The following CNTN2 variants were observed in gnomAD, a reference collection of about 807,000 sequenced individuals.
The protein encoded by CNTN2 is contactin-2.
Under a neutral mutation model 117.5 loss-of-function variants are expected in CNTN2, and 53 were observed. The ratio of observed to expected loss-of-function variants is 0.45; its 90% CI spans 0.36 to 0.57. CNTN2 has a LOEUF of 0.57. Ranked by LOEUF, CNTN2 falls within the 20% of genes least tolerant of loss-of-function variation. CNTN2 has a pLI of 0.00. For missense variants in CNTN2, 1,106 were observed against 1,404.3 expected (o/e 0.79, Z 3.39); for synonymous variants, 530 against 561.7 (o/e 0.94, Z 0.80).
Position 205,061,571 on chromosome 1 carries a change from C to G in CNTN2, c.973+151C>G. On this transcript the variant is annotated intron_variant, in intron 8 of 22. Transcript: ENST00000331830. The surrounding 1 kb of genome is among the most constrained non-coding windows in gnomAD (Gnocchi z 4.8). Reference sequence around the variant, plus strand: ...CCCTAGGACTGCACTGAGTCTGGGACCAGAGGAGGCTAGTGCTGTGGTCAC... The same window carrying G: ...CCCTAGGACTGCACTGAGTCTGGGAGCAGAGGAGGCTAGTGCTGTGGTCAC... 1 of 954,128 alleles carries G rather than the reference C, an allele frequency of 1.0e-6. No individual in the cohort carries two copies. 59.1% of individuals were successfully genotyped at this position (954,128 alleles called of 1,614,324 possible).
chr1:205,058,539 G>C lies in CNTN2; in HGVS notation c.392-29G>C. 6.2e-7 allele frequency: 1 copy of C among 1,608,286 alleles called. No individual in the cohort carries two copies. The highest frequency in any genetic ancestry group is 2.2e-5 in the East Asian group (1 of 44,812). On this transcript the variant is annotated intron_variant, in intron 4 of 22. Coordinates refer to ENST00000331830, the MANE Select transcript of CNTN2 (RefSeq NM_005076.5). This position sits in a 1 kb window ranked among gnomAD's most constrained non-coding sequence, Gnocchi z 4.3. ...GAGGGGCTCGCAGGCCAGGAGGACA[G>C]TGCCTGAGCCCCTGGTCTCTGCCTC...
At position 205,053,267 on chromosome 1, in the gene CNTN2, C is replaced by G; in HGVS notation, c.70+12C>G. Reference sequence around the variant, plus strand: ...TGTCTCCTCTTCAGGTAAGAGGGCTCATCTGGGCTTTGAAGCCTAGCAGGC... The same window carrying G: ...TGTCTCCTCTTCAGGTAAGAGGGCTGATCTGGGCTTTGAAGCCTAGCAGGC... On this transcript the variant is annotated intron_variant, in intron 2 of 22. Transcript: ENST00000331830. 1 of 1,609,236 alleles carries G rather than the reference C, an allele frequency of 6.2e-7. No individual in the cohort carries two copies.
In CNTN2 at chr1:205,073,063, C is replaced by T. The variant is rs1239961379; in HGVS notation, c.2845-5C>T. On this transcript the variant is annotated splice_polypyrimidine_tract_variant and splice_region_variant and intron_variant, in intron 21 of 22. Coordinates refer to ENST00000331830, the MANE Select transcript of CNTN2 (RefSeq NM_005076.5). The surrounding 1 kb of genome is among the most constrained non-coding windows in gnomAD (Gnocchi z 6.3). ...AAACTCCACCTGGAAACCTCCTTCC[C>T]ACAGATGCTGTACCAGAATGACTTA... 3.7e-6 allele frequency: 6 copies of T among 1,613,842 alleles called. No homozygotes were observed. The African/African-American group carries it at 6.7e-5, about 18-fold the overall frequency.
intron 2 of CNTN2, 118 bp from the exon 3 acceptor site, chr1:205,057,803 G>A: frequency 7.9e-7 from 1 of 1,268,494 alleles, no homozygotes; most frequent in Admixed American, 2.1e-5. Context: ...ACATTGAACA[G>A]TGCAGAAAAT....
chr1:205,062,105 GCTAATTAGGGTGTCAGAGGGTGGT>G lies in CNTN2; in HGVS notation c.1110+106_1110+129del, dbSNP rs763717538. The G allele has an allele frequency of 4.9e-6, 7 of 1,424,210 alleles. No individual in the cohort carries two copies. In the South Asian group the frequency reaches 9.2e-5, roughly 19 times the overall value. The allele number at this position is 1,424,210 out of a possible 1,614,324, so 88.2% of individuals were successfully genotyped here. A position where few individuals can be genotyped will look rare whatever the true frequency, so the allele number is the denominator to read the frequency against. ...CCTGCACCACTAGTAGCCCCTCTGG[GCTAATTAGGGTGTCAGAGGGTGGT>G]CCTAGGACCACCTAAGGACTTCTTC... On this transcript the variant is annotated intron_variant, in intron 9 of 22. Coordinates refer to ENST00000331830, the MANE Select transcript of CNTN2 (RefSeq NM_005076.5).
At position 205,061,675 on chromosome 1, in the gene CNTN2, C is replaced by A; in HGVS notation, c.974-190C>A. The A allele has an allele frequency of 1.2e-6, 1 of 862,782 alleles. No individual in the cohort carries two copies. The highest frequency in any genetic ancestry group is 1.7e-6 in the Non-Finnish European group (1 of 571,590). The allele number at this position is 862,782 out of a possible 1,614,324, so 53.4% of individuals were successfully genotyped here. A position where few individuals can be genotyped will look rare whatever the true frequency, so the allele number is the denominator to read the frequency against. On this transcript the variant is annotated intron_variant, in intron 8 of 22. Coordinates refer to ENST00000331830, the MANE Select transcript of CNTN2 (RefSeq NM_005076.5). This position sits in a 1 kb window ranked among gnomAD's most constrained non-coding sequence, Gnocchi z 4.8. ...TAAGTTGCAAAAGCAGCCACTGGCA[C>A]AGCCACAGAGTGCCAGCTTTCTTGT...
intron 2 of CNTN2, among the ~76,000 whole-genome samples, chr1:205,054,196 G>T (rs1453747434): frequency 6.6e-6 from 1 of 152,152 alleles, no homozygotes; most frequent in South Asian, 2.1e-4. Context: ...CATGGTCCTG[G>T]AGTTCTAAGC....
At position 205,058,839 on chromosome 1, in the gene CNTN2, G is replaced by A. The variant is rs555383381; in HGVS notation, c.487+176G>A. On this transcript the variant is annotated intron_variant, in intron 5 of 22. Transcript: ENST00000331830. The surrounding 1 kb of genome is among the most constrained non-coding windows in gnomAD (Gnocchi z 4.3). ...CTTTATAGGTCTGTCACTTTCCATC[G>A]TTGTGCCCTGCTTCCGCCTTCAAAC... 12 of 670,422 alleles carry A rather than the reference G, an allele frequency of 1.8e-5. No homozygotes were observed. Among genetic ancestry groups the A allele is most frequent in the Middle Eastern group, 3.8e-4 (1 of 2,650 alleles). 41.5% of individuals were successfully genotyped at this position (670,422 alleles called of 1,614,324 possible).
Position 205,048,429 on chromosome 1 carries a change from G to A in CNTN2, c.-86-4671G>A, listed in dbSNP as rs1247825987. On this transcript the variant is annotated intron_variant, in intron 1 of 22. Coordinates refer to ENST00000331830, the MANE Select transcript of CNTN2 (RefSeq NM_005076.5). This position sits in a 1 kb window ranked among gnomAD's most constrained non-coding sequence, Gnocchi z 4.1. ...TCAGCCAACTCCCCCTGGTGCCCCCGAACCCCCCAGTGGTCCACTCCCCCA... is the reference window on the plus strand; with the variant it reads ...TCAGCCAACTCCCCCTGGTGCCCCCAAACCCCCCAGTGGTCCACTCCCCCA... 2.7e-5 allele frequency among the ~76,000 whole-genome samples: 4 copies of A among 150,808 alleles called. No homozygotes were observed. Among genetic ancestry groups the A allele is most frequent in the Admixed American group, 1.3e-4 (2 of 15,152 alleles).
In CNTN2 at chr1:205,067,258, T is replaced by A. The variant is rs572060537; in HGVS notation, c.2125+8T>A. On this transcript the variant is annotated splice_region_variant and intron_variant, in intron 16 of 22. Coordinates refer to ENST00000331830, the MANE Select transcript of CNTN2 (RefSeq NM_005076.5). ...TCCGGACCAGGGAAGCAGGTGAGAG[T>A]CCTGTGTGTCCCAAAAAGCTATCAT... 1.1e-4 allele frequency: 177 copies of A among 1,607,488 alleles called. 2 individuals carry two copies. In the South Asian group the frequency reaches 1.9e-3, roughly 17 times the overall value.
chr1:205,053,812 G>T (rs879702978), intron 2 of CNTN2, among the ~76,000 whole-genome samples: 4 of 152,250 alleles, frequency 2.6e-5, no homozygotes, highest in Non-Finnish European at 5.9e-5. Flanking sequence ...CCCTGGAAGG[G>T]TTTCTTAAGG....
rs868814955 is a variant in CNTN2, at chr1:205,066,596, A to T, written c.1972A>T (p.Thr658Ser). ...TGCAGGGAAGTGGAAGCAGGTTCGG[A>T]CCAGTAAGTGTGAGCCCCACCTGGG... Reference protein sequence around the residue: ...PPAGKWKQVRTNPANIEGNAE... With the variant: ...PPAGKWKQVRSNPANIEGNAE... The change falls in exon 15 of 23, where the codon ACC (threonine) becomes TCC (serine). Residue 658 changes from threonine (T) to serine (S), a missense_variant. Coordinates refer to ENST00000331830, the MANE Select transcript of CNTN2 (RefSeq NM_005076.5). The T allele has an allele frequency of 6.2e-7, 1 of 1,613,826 alleles. No homozygotes were observed. The highest frequency in any genetic ancestry group is 1.3e-5 in the African/African-American group (1 of 75,042).
chr1:205,060,715 CA>C (rs34919627), intron 7 of CNTN2: 33,237 of 95,942 alleles, frequency 0.35, 4,119 homozygotes, highest in East Asian at 0.57. Flanking sequence ...GACTCCGTCT[CA>C]AAAAAAAAAA....
chr1:205,052,788 G>A (rs1480249626), intron 1 of CNTN2, among the ~76,000 whole-genome samples: 1 of 152,190 alleles, frequency 6.6e-6, no homozygotes, highest in South Asian at 2.1e-4. Context: ...CGGGCGAGAC[G>A]GCAGGTGGGT....
Position 205,058,328 on chromosome 1 carries a change from C to T in CNTN2, c.363C>T (p.Val121=). The T allele has an allele frequency of 1.3e-6, 2 of 1,526,268 alleles. No individual in the cohort carries two copies. Among genetic ancestry groups the T allele is most frequent in the East Asian group, 2.3e-5 (1 of 43,984 alleles). The allele number at this position is 1,526,268 out of a possible 1,614,324, so 94.5% of individuals were successfully genotyped here. The change falls in exon 4 of 23, where the codon GTC becomes GTT. Residue 121 remains valine (V), a synonymous_variant. Transcript: ENST00000331830. The surrounding 1 kb of genome is among the most constrained non-coding windows in gnomAD (Gnocchi z 4.3). ...CLASNPVGTV[V]SREAILRFGF... is the part of the protein sequence containing the mutation. ...CCTCCAACCCAGTGGGCACCGTTGT[C>T]AGCAGGGAGGCCATCCTCCGCTTCG...
chr1:205,054,556 G>A (rs2096458054), intron 2 of CNTN2, among the ~76,000 whole-genome samples: 1 of 152,206 alleles, frequency 6.6e-6, no homozygotes, highest in East Asian at 1.9e-4. Flanking sequence ...CGCTCCCTCA[G>A]GGACACCTCA....
chr1:205,069,624 G>C, intron 17 of CNTN2, 63 bp downstream of exon 17: 1 of 1,562,196 alleles, frequency 6.4e-7, no homozygotes, highest in Non-Finnish European at 8.7e-7. Context: ...TTGAGCAGCT[G>C]CAGAAAGGAC....
Position 205,059,525 on chromosome 1 carries a change from A to C in CNTN2, c.698-58A>C. ...TCTGAAAGGTGCTGAGATCCCATGC[A>C]CGGGAGCACCTGACCTGGAGTCATC... On this transcript the variant is annotated intron_variant, in intron 6 of 22. Coordinates refer to ENST00000331830, the MANE Select transcript of CNTN2 (RefSeq NM_005076.5). This position sits in a 1 kb window ranked among gnomAD's most constrained non-coding sequence, Gnocchi z 5.6. 6 of 1,517,000 alleles carry C rather than the reference A, an allele frequency of 4.0e-6. No homozygotes were observed. The highest frequency in any genetic ancestry group is 5.5e-6 in the Non-Finnish European group (6 of 1,091,798). The allele number at this position is 1,517,000 out of a possible 1,614,324, so 94.0% of individuals were successfully genotyped here. A position where few individuals can be genotyped will look rare whatever the true frequency, so the allele number is the denominator to read the frequency against.
chr1:205,045,257 C>T (rs553130069), intron 1 of CNTN2, among the ~76,000 whole-genome samples: 3 of 152,258 alleles, frequency 2.0e-5, no homozygotes, highest in African/African-American at 7.2e-5. Flanking sequence ...CTTCTCTCAT[C>T]GCGTGTACTC....
Sources: allele counts gnomAD v4.1 joint callset (sites outside exome capture counted in the v4.1 genomes callset), GRCh38; gene constraint gnomAD v4.1.1; non-coding constraint Gnocchi (gnomAD v3.1); transcripts MANE v1.5; gene names NCBI Gene and HGNC (gene_info 2026-07-23, HGNC 2026-07-21).